Variants in RTN1 observed in about 807,000 individuals in gnomAD.
RTN1 encodes the protein reticulon 1.
RTN1 carries 25 observed loss-of-function variants against 65.5 expected under a neutral mutation model. The ratio of observed to expected loss-of-function variants is 0.38; its 90% confidence interval spans 0.28 to 0.53. The LOEUF (loss-of-function observed/expected upper bound fraction) is 0.53, where lower values mean the gene tolerates loss of function less well. RTN1 is among the 20% of genes least tolerant of loss of function. The pLI is 0.79. For missense variants in RTN1, 983 were observed against 1,025.4 expected, an observed-to-expected ratio of 0.96 and a Z score of 0.57; for synonymous variants, 471 against 447.6, an observed-to-expected ratio of 1.05 and a Z score of -0.66.
chr14:59,721,978 A>G (rs1187628131), intron 3 of RTN1, among the ~76,000 whole-genome samples: 1 of 152,154 alleles, frequency 6.6e-6, no homozygotes, highest in Non-Finnish European at 1.5e-5. Flanking sequence ...CAACTTTTTC[A>G]TTACTATGAA....
At chr14:59,608,211 C>A (rs1361101357) in intron 3 of RTN1, among the ~76,000 whole-genome samples, 2 of 152,198 alleles carry the variant, frequency 1.3e-5, no homozygotes, top group Non-Finnish European at 2.9e-5. Flanking sequence ...TACCCTCCAA[C>A]TGGGTATGTG....
At chr14:59,599,319 A>G (rs1043557110) in intron 8 of RTN1, among the ~76,000 whole-genome samples, 1 of 152,162 alleles carries the variant, frequency 6.6e-6, no homozygotes, top group African/African-American at 2.4e-5. Flanking sequence ...CTTACTCAAG[A>G]TCCCTTGATT....
At chr14:59,632,146 A>G (rs1188155393) in intron 3 of RTN1, among the ~76,000 whole-genome samples, 1 of 152,186 alleles carries the variant, frequency 6.6e-6, no homozygotes, top group African/African-American at 2.4e-5. Flanking sequence ...CTCTCTGCGT[A>G]TCTTTGTAAC....
intron 3 of RTN1, among the ~76,000 whole-genome samples, chr14:59,654,351 C>G (rs1307355237): frequency 6.6e-6 from 1 of 151,056 alleles, no homozygotes; most frequent in African/African-American, 2.4e-5. Flanking sequence ...TTGTTTGAAC[C>G]CGGGCAGGGG....
chr14:59,733,065 T>C (rs1884932959), intron 2 of RTN1, among the ~76,000 whole-genome samples: 1 of 148,912 alleles, frequency 6.7e-6, no homozygotes, highest in African/African-American at 2.5e-5. Flanking sequence ...CTTTGCCAGA[T>C]TGTGGTCAGA....
At chr14:59,707,174 T>G (rs181737629) in intron 3 of RTN1, among the ~76,000 whole-genome samples, 25 of 152,326 alleles carry the variant, frequency 1.6e-4, no homozygotes, top group Admixed American at 1.4e-3. Context: ...AGCAGATTTG[T>G]TTTTCATCCA....
intron 1 of RTN1, among the ~76,000 whole-genome samples, chr14:59,817,328 C>T (rs1886839500): frequency 6.6e-6 from 1 of 152,132 alleles, no homozygotes; most frequent in Non-Finnish European, 1.5e-5. Context: ...CAAGACGATG[C>T]TTGATAGGGG....
chr14:59,870,477 C>G lies in RTN1; in HGVS notation c.154G>C (p.Gly52Arg). 6.8e-7 allele frequency: 1 copy of G among 1,474,528 alleles called. No homozygotes were observed. Among genetic ancestry groups the G allele is most frequent in the African/African-American group, 1.5e-5 (1 of 68,698 alleles). 91.3% of individuals were successfully genotyped at this position (1,474,528 alleles called of 1,614,324 possible). Residue 52 changes from glycine (G) to arginine (R), a missense_variant, in exon 1 of 9, where the codon GGC becomes CGC. Around this residue, in one of 2 missense-constraint regions of RTN1, gnomAD observed 818 missense variants for 801.8 expected, o/e 1.02. Transcript: ENST00000267484. The surrounding 1 kb of genome is among the most constrained non-coding windows in gnomAD (Gnocchi z 5.1). ...GACGCCGCTTCCCGGGCCCTGGCGCCCAACCCCGGGCTGGGCTCCCCAGCC... is the reference window on the plus strand; with the variant it reads ...GACGCCGCTTCCCGGGCCCTGGCGCGCAACCCCGGGCTGGGCTCCCCAGCC... Reference protein sequence around the residue: ...PQAGEPSPGLGARAREAASRE... With the variant: ...PQAGEPSPGLRARAREAASRE...
At chr14:59,740,215 C>T (rs779060597) in intron 2 of RTN1, among the ~76,000 whole-genome samples, 8 of 152,270 alleles carry the variant, frequency 5.3e-5, no homozygotes, top group Non-Finnish European at 1.0e-4. Flanking sequence ...CCTGGCACAC[C>T]GGAGGTACGC....
At chr14:59,613,677 C>A (rs573920993) in intron 3 of RTN1, among the ~76,000 whole-genome samples, 2 of 151,984 alleles carry the variant, frequency 1.3e-5, no homozygotes, top group Admixed American at 6.6e-5. Context: ...TCTTCTCAGT[C>A]GACTGTATTA....
intron 2 of RTN1, among the ~76,000 whole-genome samples, chr14:59,729,394 AG>A (rs772116228): frequency 3.9e-5 from 6 of 152,102 alleles, no homozygotes; most frequent in Non-Finnish European, 5.9e-5. Flanking sequence ...CCCCTTTTTT[AG>A]TAACTTAAAA....
At chr14:59,620,392 A>T (rs927127623) in intron 3 of RTN1, among the ~76,000 whole-genome samples, 6 of 152,178 alleles carry the variant, frequency 3.9e-5, no homozygotes, top group African/African-American at 1.4e-4. Context: ...TGAGTCACAT[A>T]AGGCTACTGG....
intron 3 of RTN1, chr14:59,630,495 A>C (rs1245466586): frequency 6.2e-7 from 1 of 1,613,890 alleles, no homozygotes; most frequent in South Asian, 1.1e-5. Context: ...TGGAATCGGC[A>C]GTGGCCTGCA....
chr14:59,618,373 G>A (rs1882164960), intron 3 of RTN1, among the ~76,000 whole-genome samples: 1 of 152,220 alleles, frequency 6.6e-6, no homozygotes, highest in Non-Finnish European at 1.5e-5. Flanking sequence ...TCAATAAACT[G>A]GCTCATCTGA....
intron 1 of RTN1, among the ~76,000 whole-genome samples, chr14:59,751,985 G>A (rs1399974032): frequency 6.6e-6 from 1 of 152,144 alleles, no homozygotes; most frequent in Admixed American, 6.5e-5. Flanking sequence ...CACTTGACCA[G>A]CTTTTCTAGC....
intron 3 of RTN1, among the ~76,000 whole-genome samples, chr14:59,667,673 C>T (rs952851958): frequency 2.0e-5 from 3 of 152,020 alleles, no homozygotes; most frequent in African/African-American, 7.2e-5. Flanking sequence ...TCGAATTGTC[C>T]CTGTTTGCAG....
intron 3 of RTN1, among the ~76,000 whole-genome samples, chr14:59,699,042 A>G (rs1195323109): frequency 6.6e-6 from 1 of 152,188 alleles, no homozygotes; most frequent in East Asian, 1.9e-4. Flanking sequence ...AATCTGTTCC[A>G]GCTGGAAGCT....
chr14:59,678,149 A>G (rs1883667029), intron 3 of RTN1, among the ~76,000 whole-genome samples: 1 of 152,200 alleles, frequency 6.6e-6, no homozygotes, highest in African/African-American at 2.4e-5. Flanking sequence ...AAGCCCAGGG[A>G]CAAGTCCTGT....
chr14:59,749,521 A>C (rs1885361743), intron 1 of RTN1, among the ~76,000 whole-genome samples: 1 of 36,534 alleles, frequency 2.7e-5, no homozygotes, highest in Non-Finnish European at 4.2e-5. Flanking sequence ...ATATCTATAT[A>C]TTTATATATA....
Sources: allele counts gnomAD v4.1 joint callset (sites outside exome capture counted in the v4.1 genomes callset), GRCh38; gene constraint gnomAD v4.1.1; regional missense constraint gnomAD v4.1.1; non-coding constraint Gnocchi (gnomAD v3.1); transcripts MANE v1.5; gene names NCBI Gene and HGNC (gene_info 2026-07-23, HGNC 2026-07-21).